MPP7: variants seen among roughly 807,000 people sequenced by gnomAD.
MPP7 encodes MAGUK p55 scaffold protein 7, also known as MAGUK p55 subfamily member 7.
Under a neutral mutation model 76.5 loss-of-function variants are expected in MPP7, and 60 were observed. The ratio of observed to expected loss-of-function variants is 0.78; its 90% confidence interval spans 0.64 to 0.97. MPP7 has a LOEUF of 0.97. Among genes scored for constraint, MPP7 ranks in the 50% least tolerant of loss-of-function variants. The pLI, the probability that MPP7 is intolerant of heterozygous loss-of-function variation, is 0.00. For synonymous variants in MPP7, 237 were observed against 244.5 expected, an observed-to-expected ratio of 0.97 and a Z score of 0.29; for missense variants, 641 against 694.0, an observed-to-expected ratio of 0.92 and a Z score of 0.86.
intron 12 of MPP7, among the ~76,000 whole-genome samples, chr10:28,079,028 G>A (rs918131066): frequency 6.6e-6 from 1 of 152,036 alleles, no homozygotes; most frequent in African/African-American, 2.4e-5. Context: ...ATAGAAGAAG[G>A]TAGACATACA....
intron 1 of MPP7, among the ~76,000 whole-genome samples, chr10:28,270,815 C>G (rs1046122489): frequency 2.0e-5 from 3 of 152,112 alleles, no homozygotes; most frequent in Non-Finnish European, 2.9e-5. Flanking sequence ...AGTCTTGAAG[C>G]CTGAGAGCTC....
intron 12 of MPP7, among the ~76,000 whole-genome samples, chr10:28,076,902 A>G (rs1323661845): frequency 6.7e-6 from 1 of 150,360 alleles, no homozygotes; most frequent in Non-Finnish European, 1.5e-5. Flanking sequence ...AAAAAAAAAA[A>G]TGCAAATAGA....
At chr10:28,280,744 G>T (rs576588403) in intron 1 of MPP7, among the ~76,000 whole-genome samples, 55 of 152,196 alleles carry the variant, frequency 3.6e-4, no homozygotes, top group African/African-American at 1.3e-3. Flanking sequence ...CAACAGCCAA[G>T]ACCCTGATCA....
chr10:28,194,457 T>C (rs1283947278), intron 3 of MPP7, among the ~76,000 whole-genome samples: 2 of 152,208 alleles, frequency 1.3e-5, no homozygotes, highest in African/African-American at 4.8e-5. Flanking sequence ...TGCTCAAAAC[T>C]GGAAGCAATG....
chr10:28,269,443 A>G (rs1201628025), intron 1 of MPP7, among the ~76,000 whole-genome samples: 1 of 152,148 alleles, frequency 6.6e-6, no homozygotes, highest in Non-Finnish European at 1.5e-5. Context: ...ATCCATCATC[A>G]TTCTAAAGTA....
At chr10:28,227,522 T>G (rs1838736303) in intron 2 of MPP7, among the ~76,000 whole-genome samples, 1 of 152,080 alleles carries the variant, frequency 6.6e-6, no homozygotes, top group East Asian at 1.9e-4. Context: ...TGTATCCATG[T>G]GATCTCATTG....
intron 1 of MPP7, among the ~76,000 whole-genome samples, chr10:28,265,454 G>A (rs138204286): frequency 0.01 from 1,564 of 152,170 alleles, 37 homozygotes; most frequent in African/African-American, 0.036. Flanking sequence ...AGCTGCTTGG[G>A]AGGCTGAGGT....
chr10:28,138,883 T>C (rs944037010), intron 5 of MPP7, among the ~76,000 whole-genome samples: 5 of 152,204 alleles, frequency 3.3e-5, no homozygotes, highest in Admixed American at 3.3e-4. Flanking sequence ...TTACATTGAA[T>C]TCCGTTTACT....
At chr10:28,213,811 G>A (rs867855773) in intron 2 of MPP7, among the ~76,000 whole-genome samples, 3 of 130,706 alleles carry the variant, frequency 2.3e-5, no homozygotes, top group African/African-American at 6.4e-5. Context: ...AAAAAAAAAA[G>A]AGAGAGAGAG....
chr10:28,310,264 A>G (rs550911568), intron 2 of MPP7, among the ~76,000 whole-genome samples: 1 of 152,254 alleles, frequency 6.6e-6, no homozygotes, highest in South Asian at 2.1e-4. Flanking sequence ...GGCCTCCCAA[A>G]GTGCTGGGAT....
intron 8 of MPP7, among the ~76,000 whole-genome samples, chr10:28,123,749 G>C (rs1237065836): frequency 6.6e-6 from 1 of 151,974 alleles, no homozygotes; most frequent in Non-Finnish European, 1.5e-5. Flanking sequence ...TGGGATTACA[G>C]ATATAAGCCA....
At chr10:28,319,061 C>T (rs1834343768) in intron 2 of MPP7, among the ~76,000 whole-genome samples, 1 of 152,160 alleles carries the variant, frequency 6.6e-6, no homozygotes, top group Non-Finnish European at 1.5e-5. Context: ...TTTTAATTGG[C>T]TCACAGTTCT....
chr10:28,148,453 A>G (rs1383423725), intron 4 of MPP7, among the ~76,000 whole-genome samples: 1 of 152,230 alleles, frequency 6.6e-6, no homozygotes, highest in African/African-American at 2.4e-5. Flanking sequence ...AAAACCTTGC[A>G]TGAAATTTCC....
At chr10:28,298,255 T>C (rs1841077429) in intron 1 of MPP7, among the ~76,000 whole-genome samples, 1 of 152,212 alleles carries the variant, frequency 6.6e-6, no homozygotes, top group Non-Finnish European at 1.5e-5. Flanking sequence ...ATCAGAACAA[T>C]CACTATCTAT....
chr10:28,090,803 T>C (rs1452474273), intron 11 of MPP7, among the ~76,000 whole-genome samples: 3 of 152,182 alleles, frequency 2.0e-5, no homozygotes, highest in African/African-American at 7.2e-5. Context: ...CTCAGGTTCT[T>C]TTCTCTAATG....
chr10:28,061,609 G>C (rs1851787007), intron 13 of MPP7, among the ~76,000 whole-genome samples: 1 of 152,004 alleles, frequency 6.6e-6, no homozygotes, highest in Non-Finnish European at 1.5e-5. Context: ...GATTGGGGCA[G>C]AAAAATATGT....
chr10:28,324,092 T>C (rs1304141066), intron 2 of MPP7, among the ~76,000 whole-genome samples: 1 of 152,138 alleles, frequency 6.6e-6, no homozygotes, highest in Non-Finnish European at 1.5e-5. Flanking sequence ...CCAAAATTCA[T>C]AGGTTGAAAT....
rs1352587947 is a variant in MPP7, at chr10:28,094,307, A to AAT, written c.953-4467_953-4466insAT. Among the ~76,000 whole-genome samples, 568 of 152,236 alleles carry AAT rather than the reference A, an allele frequency of 3.7e-3. 2 individuals carry two copies. The highest frequency in any genetic ancestry group is 0.013 in the African/African-American group (533 of 41,538). On this transcript the variant is annotated intron_variant, in intron 11 of 16. Coordinates refer to ENST00000683449, the MANE Select transcript of MPP7 (RefSeq NM_001318170.2). ...GGAGCAAAGGCAGTGAGGTCGCAAC[A>AAT]GGGGTTCCATGGGAGCAGCTGGTCA...
intron 6 of MPP7, among the ~76,000 whole-genome samples, chr10:28,129,478 C>CA (rs1835123913): frequency 6.7e-6 from 1 of 150,092 alleles, no homozygotes; most frequent in Non-Finnish European, 1.5e-5. Context: ...TTTCCTTAAA[C>CA]AAAAAATTTA....
Sources: allele counts gnomAD v4.1 joint callset (sites outside exome capture counted in the v4.1 genomes callset), GRCh38; gene constraint gnomAD v4.1.1; transcripts MANE v1.5; gene names NCBI Gene and HGNC (gene_info 2026-07-23, HGNC 2026-07-21).